Variants in NFIC observed in about 807,000 individuals in gnomAD.
NFIC encodes the protein nuclear factor I C.
In NFIC, 12 loss-of-function variants were observed where a neutral mutation model predicts 54.4. The observed-to-expected ratio is 0.22, with a 90% CI of 0.14 to 0.36. The LOEUF (loss-of-function observed/expected upper bound fraction) is 0.36. Ranked by LOEUF, NFIC falls within the 10% of genes least tolerant of loss-of-function variation. The probability of loss-of-function intolerance (pLI) is 1.00; values close to 1 mark genes in which losing one functional copy is unlikely to be tolerated. For synonymous variants in NFIC, 322 were observed against 319.2 expected, an observed-to-expected ratio of 1.01 and a Z score of -0.09; for missense variants, 575 against 718.2, an observed-to-expected ratio of 0.80 and a Z score of 2.28.
At chr19:3,437,924 A>AACCTCAAGTGATCCGCCC (rs2082230724) in intron 6 of NFIC, among the ~76,000 whole-genome samples, 1 of 151,868 alleles carries the variant, frequency 6.6e-6, no homozygotes. Flanking sequence ...GTGATCCGCC[A>AACCTCAAGTGATCCGCCC]ACCTCAAGTG....
intron 2 of NFIC, among the ~76,000 whole-genome samples, chr19:3,424,507 G>C (rs554370186): frequency 7.2e-4 from 110 of 152,208 alleles, no homozygotes; most frequent in African/African-American, 2.6e-3. Flanking sequence ...CTCCCAAGTA[G>C]CTGGGATTAC....
At chr19:3,435,020 C>A in intron 5 of NFIC, 63 bp from the exon 6 acceptor site, 1 of 1,490,082 alleles carries the variant, frequency 6.7e-7, no homozygotes, top group Non-Finnish European at 9.0e-7. Flanking sequence ...GCAAAGCCCG[C>A]CGTCGCGCCC....
chr19:3,380,412 G>A (rs1388445089), intron 1 of NFIC, among the ~76,000 whole-genome samples: 2 of 134,634 alleles, frequency 1.5e-5, no homozygotes, highest in Non-Finnish European at 3.1e-5. Flanking sequence ...TGCAACCTCT[G>A]CCTCCCAGGT....
At position 3,451,812 on chromosome 19, in the gene NFIC, TAAAA is replaced by T. The variant is rs57508399; in HGVS notation, c.1085-656_1085-653del. On this transcript the variant is annotated intron_variant, in intron 7 of 10. Coordinates refer to ENST00000443272, the MANE Select transcript of NFIC (RefSeq NM_001245002.2). ...GAAGGCCACCCTGTCATCCTCTGTT[TAAAA>T]AAAAAAAAAAAAAGACGGGGCCAGG... 3.0e-5 allele frequency among the ~76,000 whole-genome samples: 4 copies of T among 133,566 alleles called. No individual in the cohort carries two copies. The South Asian group carries it at 7.3e-4, about 24-fold the overall frequency. 87.6% of individuals were successfully genotyped at this position (133,566 alleles called of 152,430 possible).
At chr19:3,393,629 ACATGATGAAAC>A (rs1372399186) in intron 2 of NFIC, among the ~76,000 whole-genome samples, 5 of 151,520 alleles carry the variant, frequency 3.3e-5, no homozygotes, top group Non-Finnish European at 7.4e-5. Context: ...AGCCTGACCA[ACATGATGAAAC>A]CCGGTCTCTA....
At chr19:3,396,435 G>A (rs990511469) in intron 2 of NFIC, among the ~76,000 whole-genome samples, 1 of 147,970 alleles carries the variant, frequency 6.8e-6, no homozygotes, top group African/African-American at 2.5e-5. Flanking sequence ...TCGTGCCACT[G>A]CACTCCAGCC....
rs41450045 is a variant in NFIC, at chr19:3,425,083, G to A, written c.563-23G>A. ...GGGTGGGGTCTCTGTGATGCCACCAGTGTTTCTTCCCTCTCTTTGCAGATG... is the reference window on the plus strand; with the variant it reads ...GGGTGGGGTCTCTGTGATGCCACCAATGTTTCTTCCCTCTCTTTGCAGATG... On this transcript the variant is annotated intron_variant, in intron 2 of 10. Transcript: ENST00000443272. 16,389 of 1,612,714 alleles carry A rather than the reference G, an allele frequency of 0.01. 1,422 individuals carry two copies. The African/African-American group carries it at 0.19, about 18-fold the overall frequency.
intron 2 of NFIC, among the ~76,000 whole-genome samples, chr19:3,417,092 A>G (rs8106306): frequency 0.29 from 42,691 of 149,572 alleles, 7,126 homozygotes; most frequent in East Asian, 0.62. Context: ...TCACCATGTT[A>G]GCCAGGATGG....
At chr19:3,389,608 T>G (rs114702829) in intron 2 of NFIC, among the ~76,000 whole-genome samples, 221 of 152,208 alleles carry the variant, frequency 1.5e-3, no homozygotes, top group African/African-American at 5.1e-3. Context: ...CTCTGTAGAA[T>G]GGGGAGAATC....
chr19:3,406,944 G>T (rs2081659274), intron 2 of NFIC, among the ~76,000 whole-genome samples: 1 of 151,716 alleles, frequency 6.6e-6, no homozygotes, highest in South Asian at 2.1e-4. Flanking sequence ...GACCGTGCCT[G>T]GTGCATTGGT....
chr19:3,453,951 G>T lies in NFIC; in HGVS notation c.1423+35G>T, dbSNP rs2082511155. The stretch of plus-strand genomic sequence containing the variant: ...CGGGAAGCGGTGCCCTGGTGGGGCG[G>T]ATGTCCGCAGGGGGGCCTGTCCCCT... On this transcript the variant is annotated intron_variant, in intron 9 of 10. Coordinates refer to ENST00000443272, the MANE Select transcript of NFIC (RefSeq NM_001245002.2). This position sits in a 1 kb window ranked among gnomAD's most constrained non-coding sequence, Gnocchi z 6.7. 1.3e-6 allele frequency: 2 copies of T among 1,488,626 alleles called. No individual in the cohort carries two copies. Among genetic ancestry groups the T allele is most frequent in the African/African-American group, 1.4e-5 (1 of 69,716 alleles). The allele number at this position is 1,488,626 out of a possible 1,614,324, so 92.2% of individuals were successfully genotyped here. A position where few individuals can be genotyped will look rare whatever the true frequency, so the allele number is the denominator to read the frequency against.
At chr19:3,393,807 ACT>A (rs2081413448) in intron 2 of NFIC, among the ~76,000 whole-genome samples, 1 of 114,166 alleles carries the variant, frequency 8.8e-6, no homozygotes. Context: ...ACAGAGTGAG[ACT>A]CTGTCTCAAA....
chr19:3,444,876 C>CATGT (rs1211692396), intron 6 of NFIC, among the ~76,000 whole-genome samples: 1 of 151,888 alleles, frequency 6.6e-6, no homozygotes, highest in Non-Finnish European at 1.5e-5. Context: ...GGCGTGCACA[C>CATGT]ATGTATGCAT....
intron 2 of NFIC, among the ~76,000 whole-genome samples, chr19:3,388,655 C>CT (rs1013963418): frequency 1.9e-4 from 28 of 150,578 alleles, no homozygotes; most frequent in African/African-American, 6.4e-4. Context: ...CGACCATGCC[C>CT]CCCCCCAACA....
intron 3 of NFIC, among the ~76,000 whole-genome samples, chr19:3,427,721 G>T (rs2082047721): frequency 1.3e-5 from 2 of 151,466 alleles, no homozygotes; most frequent in South Asian, 4.2e-4. Context: ...CAGCTAGTCG[G>T]GAGGCTGAGG....
rs2082754163 is a variant in NFIC, at chr19:3,469,063, C to G, written c.*6294C>G. The G allele has an allele frequency of 6.7e-6, 1 of 148,340 alleles. No individual in the cohort carries two copies. Among genetic ancestry groups the G allele is most frequent in the African/African-American group, 2.5e-5 (1 of 39,980 alleles). The allele number at this position is 148,340 out of a possible 1,614,324, so 9.2% of individuals were successfully genotyped here. Reference sequence around the variant, plus strand: ...TAAGTACCATTTACAGAAAGTGACTCTGGCTGTCATTATTTTGTTTATTTG... The same window carrying G: ...TAAGTACCATTTACAGAAAGTGACTGTGGCTGTCATTATTTTGTTTATTTG... On this transcript the variant is annotated 3_prime_UTR_variant, in exon 11 of 11. Coordinates refer to ENST00000443272, the MANE Select transcript of NFIC (RefSeq NM_001245002.2).
Position 3,453,599 on chromosome 19 carries a change from G to A in NFIC, c.1270-164G>A, listed in dbSNP as rs904634178. Among the ~76,000 whole-genome samples the A allele has an allele frequency of 5.9e-5, 9 of 152,072 alleles. 1 individual carries two copies. Among genetic ancestry groups the A allele is most frequent in the Admixed American group, 3.9e-4 (6 of 15,270 alleles). On this transcript the variant is annotated intron_variant, in intron 8 of 10. Transcript: ENST00000443272. The surrounding 1 kb of genome is among the most constrained non-coding windows in gnomAD (Gnocchi z 6.7). ...GGTGTCCCCAGGCCCCTCCACCTCC[G>A]GCCGTCCTCAGACCCACCAAACCCG...
chr19:3,440,901 C>T (rs938120040), intron 6 of NFIC, among the ~76,000 whole-genome samples: 1 of 152,106 alleles, frequency 6.6e-6, no homozygotes, highest in Non-Finnish European at 1.5e-5. Flanking sequence ...GTGCGATCAG[C>T]GCCCACTGGG....
intron 1 of NFIC, among the ~76,000 whole-genome samples, chr19:3,360,084 C>T (rs1187998860): frequency 2.0e-5 from 3 of 147,064 alleles, no homozygotes; most frequent in African/African-American, 4.9e-5. Flanking sequence ...TGGGGGAGCC[C>T]GGGCCAGGGA....
Sources: gnomAD v4.1 joint callset for allele counts (sites outside exome capture counted in the v4.1 genomes callset) on GRCh38, gnomAD v4.1.1 for gene constraint, Gnocchi (gnomAD v3.1) non-coding constraint, MANE v1.5 for transcripts, NCBI Gene and HGNC (gene_info 2026-07-23, HGNC 2026-07-21) for gene names.